The following MBD3L1 variants were observed in gnomAD, a reference collection of about 807,000 sequenced individuals.
The protein encoded by MBD3L1 is methyl-CpG binding domain protein 3 like 1.
For synonymous variants in MBD3L1, 84 were observed against 85.1 expected (o/e 0.99, Z 0.07); for missense variants, 203 against 230.1 (o/e 0.88, Z 0.76).
At chr19:8,834,118 G>T (rs2044425363) in intron 1 of MBD3L1, among the ~76,000 whole-genome samples, 1 of 152,226 alleles carries the variant, frequency 6.6e-6, no homozygotes, top group South Asian at 2.1e-4. Flanking sequence ...TTCAATGAAT[G>T]ATATTGTTTC....
At chr19:8,838,043 T>C (rs755136684) in intron 1 of MBD3L1, among the ~76,000 whole-genome samples, 30 of 151,314 alleles carry the variant, frequency 2.0e-4, no homozygotes, top group Non-Finnish European at 3.7e-4. Flanking sequence ...CATCAAGAGA[T>C]TGAGACCATC....
chr19:8,834,676 C>T (rs539265330), intron 1 of MBD3L1, among the ~76,000 whole-genome samples: 67 of 136,424 alleles, frequency 4.9e-4, no homozygotes, highest in Admixed American at 1.1e-3. Flanking sequence ...AAACAAAAAA[C>T]AGAGAATGAA....
At chr19:8,836,471 C>T (rs1052730858) in intron 1 of MBD3L1, among the ~76,000 whole-genome samples, 5 of 149,870 alleles carry the variant, frequency 3.3e-5, no homozygotes, top group African/African-American at 4.9e-5. Flanking sequence ...TCCTCCCCCC[C>T]TCTCCTCCTC....
At chr19:8,835,721 C>T (rs2044448384) in intron 1 of MBD3L1, among the ~76,000 whole-genome samples, 1 of 152,176 alleles carries the variant, frequency 6.6e-6, no homozygotes, top group African/African-American at 2.4e-5. Flanking sequence ...ACAGCTTGTA[C>T]ATGAATGTTC....
At chr19:8,834,705 A>G (rs530107248) in intron 1 of MBD3L1, among the ~76,000 whole-genome samples, 1 of 152,154 alleles carries the variant, frequency 6.6e-6, no homozygotes, top group East Asian at 1.9e-4. Flanking sequence ...TCTACTTCAC[A>G]CCATGTACAA....
chr19:8,835,053 T>G (rs1296510554), intron 1 of MBD3L1, among the ~76,000 whole-genome samples: 1 of 152,130 alleles, frequency 6.6e-6, no homozygotes, highest in Admixed American at 6.5e-5. Context: ...AAAGAGTTTT[T>G]TTTTTTTTTT....
At chr19:8,833,545 GTC>G (rs1000459045) in intron 1 of MBD3L1, 1 of 152,200 alleles carries the variant, frequency 6.6e-6, no homozygotes, top group Non-Finnish European at 1.5e-5. Context: ...CCCCCAACAA[GTC>G]TCTGTTTTAT....
At chr19:8,833,743 CT>C (rs144069509) in intron 1 of MBD3L1, among the ~76,000 whole-genome samples, 8,381 of 152,240 alleles carry the variant, frequency 0.055, 770 homozygotes, top group African/African-American at 0.19. Context: ...AATCCCAACA[CT>C]TTGGGAGGCC....
chr19:8,838,252 CAAAAAA>C (rs542318207), intron 1 of MBD3L1, among the ~76,000 whole-genome samples: 63 of 11,832 alleles, frequency 5.3e-3, no homozygotes, highest in African/African-American at 0.013. Context: ...GACTCCATCT[CAAAAAA>C]AAAAAAAAAA....
chr19:8,832,832 A>G (rs2044396020), intron 1 of MBD3L1, among the ~76,000 whole-genome samples: 1 of 151,368 alleles, frequency 6.6e-6, no homozygotes, highest in Non-Finnish European at 1.5e-5. Flanking sequence ...TGTGGTTGTG[A>G]CAGCCCTGGA....
intron 1 of MBD3L1, among the ~76,000 whole-genome samples, chr19:8,837,586 C>T (rs1044931074): frequency 1.3e-5 from 2 of 152,112 alleles, no homozygotes; most frequent in African/African-American, 4.8e-5. Context: ...GGCTGGAGGG[C>T]AGAAGGCAGA....
rs374014793 is a variant in MBD3L1 at position 8,842,956 on chromosome 19, T to A, written c.278T>A (p.Leu93Ter). ...AGCACTTTGGATCTTGCCAATACCT[T>A]GCAAAAACTTGTCCCTAGTTACACA... ...LSSTLDLANT[L>*]QKLVPSYTGG... Residue 93 changes from leucine to a stop codon, truncating the protein, a stop_gained, in exon 3 of 3, where the codon TTG becomes TAG. Transcript: ENST00000595891. LOFTEE classifies it low-confidence loss of function (END_TRUNC). 23 of 1,614,084 alleles carry A rather than the reference T, an allele frequency of 1.4e-5. No homozygotes were observed. In the East Asian group the frequency reaches 4.0e-4, roughly 28 times the overall value.
At chr19:8,835,153 G>C (rs1289729909) in intron 1 of MBD3L1, among the ~76,000 whole-genome samples, 1 of 151,684 alleles carries the variant, frequency 6.6e-6, no homozygotes, top group Non-Finnish European at 1.5e-5. Context: ...CTGGATTCAA[G>C]CGATTCTCCT....
At chr19:8,839,149 C>T (rs2044484460) in intron 1 of MBD3L1, among the ~76,000 whole-genome samples, 1 of 143,682 alleles carries the variant, frequency 7.0e-6, no homozygotes, top group Non-Finnish European at 1.5e-5. Context: ...GATGTACTTG[C>T]CCCGTATTTA....
intron 1 of MBD3L1, among the ~76,000 whole-genome samples, chr19:8,839,271 G>A (rs1463473550): frequency 3.6e-5 from 5 of 139,400 alleles, no homozygotes; most frequent in African/African-American, 1.4e-4. Context: ...TGCAAGCTCC[G>A]CCTCCCAGGT....
intron 1 of MBD3L1, among the ~76,000 whole-genome samples, chr19:8,835,048 GTTT>G (rs777643019): frequency 2.1e-5 from 3 of 142,218 alleles, no homozygotes; most frequent in Non-Finnish European, 4.6e-5. Context: ...TGAACAAAGA[GTTT>G]TTTTTTTTTT....
Position 8,840,649 on chromosome 19 carries a change from A to G in MBD3L1, c.-106-266A>G, listed in dbSNP as rs370451518. Among the ~76,000 whole-genome samples the G allele has an allele frequency of 7.8e-4, 119 of 152,316 alleles. 2 individuals carry two copies. In the South Asian group the frequency reaches 0.024, roughly 30 times the overall value. On this transcript the variant is annotated intron_variant, in intron 1 of 2. Coordinates refer to ENST00000595891, the MANE Select transcript of MBD3L1 (RefSeq NM_001393532.1). ...ATTAAAGGAAATTTGGAAACATTCA[A>G]TGCTTATCAGGGATATTTGCAGATT... is the stretch of plus-strand genomic sequence containing the variant.
chr19:8,838,187 G>A (rs1251025553), intron 1 of MBD3L1, among the ~76,000 whole-genome samples: 1 of 140,108 alleles, frequency 7.1e-6, no homozygotes, highest in Non-Finnish European at 1.5e-5. Context: ...GGCAGAGGTT[G>A]CAGTGAGCCG....
At chr19:8,834,634 A>G (rs1460889981) in intron 1 of MBD3L1, among the ~76,000 whole-genome samples, 1 of 151,656 alleles carries the variant, frequency 6.6e-6, no homozygotes, top group Non-Finnish European at 1.5e-5. Flanking sequence ...AAACCAAAAA[A>G]AAACAAAAAA....
Sources: allele counts gnomAD v4.1 joint callset (sites outside exome capture counted in the v4.1 genomes callset), GRCh38; gene constraint gnomAD v4.1.1; transcripts MANE v1.5; gene names NCBI Gene and HGNC (gene_info 2026-07-23, HGNC 2026-07-21).